LRMDA: variants seen among roughly 807,000 people sequenced by gnomAD.
LRMDA encodes the protein leucine-rich melanocyte differentiation-associated protein.
Under a neutral mutation model 29.8 loss-of-function variants are expected in LRMDA, and 18 were observed. The observed-to-expected ratio is 0.60, with a 90% CI of 0.42 to 0.90. The LOEUF is 0.90. Ranked by LOEUF, LRMDA falls within the 40% of genes least tolerant of loss-of-function variation. The pLI is 0.00. For synonymous variants in LRMDA, 125 were observed against 109.4 expected, an observed-to-expected ratio of 1.14 and a Z score of -0.89; for missense variants, 273 against 273.9, an observed-to-expected ratio of 1.00 and a Z score of 0.02.
rs555896635 is a variant in LRMDA, at chr10:76,427,863, A to G, written c.601+103378A>G. On this transcript the variant is annotated intron_variant, in intron 6 of 6. Coordinates refer to ENST00000611255, the MANE Select transcript of LRMDA (RefSeq NM_001305581.2). ...CTTTTCTGCATCTATTGAGATAATC[A>G]TGTGGTGTTTGTCTTTGGTTCTGTT... is the stretch of plus-strand genomic sequence containing the variant. Among the ~76,000 whole-genome samples the G allele has an allele frequency of 2.0e-5, 3 of 152,254 alleles. No individual in the cohort carries two copies. In the South Asian group the frequency reaches 6.2e-4, roughly 32 times the overall value.
chr10:76,410,523 A>G (rs1356234298), intron 6 of LRMDA, among the ~76,000 whole-genome samples: 2 of 151,892 alleles, frequency 1.3e-5, no homozygotes, highest in Non-Finnish European at 2.9e-5. Context: ...TGCCCAGGCT[A>G]GTCTTGAACT....
chr10:75,528,139 A>G (rs1051525035), intron 2 of LRMDA, among the ~76,000 whole-genome samples: 2 of 152,138 alleles, frequency 1.3e-5, no homozygotes, highest in African/African-American at 2.4e-5. Context: ...AACCCAACCT[A>G]TATCAGCAGG....
chr10:76,441,589 A>G (rs1842303536), intron 6 of LRMDA, among the ~76,000 whole-genome samples: 1 of 152,178 alleles, frequency 6.6e-6, no homozygotes, highest in South Asian at 2.1e-4. Flanking sequence ...TCATCAATAG[A>G]GAGCCCCCTA....
chr10:75,570,297 T>C (rs1342875489), intron 2 of LRMDA, among the ~76,000 whole-genome samples: 1 of 152,244 alleles, frequency 6.6e-6, no homozygotes, highest in Non-Finnish European at 1.5e-5. Flanking sequence ...ACTATACTGA[T>C]CTATTTACTT....
rs147040743 is a variant in LRMDA at position 76,305,228 on chromosome 10, G to T, written c.517-19173G>T. ...TCAAAACCTAGGAATCCTGGATATG[G>T]AATAAGAGAAAAGAGGGCTTGTAGC... On this transcript the variant is annotated intron_variant, in intron 5 of 6. Transcript: ENST00000611255. Among the ~76,000 whole-genome samples, 1,341 of 152,264 alleles carry T rather than the reference G, an allele frequency of 8.8e-3. 10 individuals are homozygous for T. The highest frequency in any genetic ancestry group is 0.025 in the South Asian group (121 of 4,822).
intron 6 of LRMDA, among the ~76,000 whole-genome samples, chr10:76,386,047 C>A (rs1273982857): frequency 6.6e-6 from 1 of 152,084 alleles, no homozygotes; most frequent in African/African-American, 2.4e-5. Context: ...TTGATTAGAA[C>A]TCTAAAAGGG....
intron 2 of LRMDA, among the ~76,000 whole-genome samples, chr10:75,607,357 C>T (rs1193807155): frequency 1.3e-5 from 2 of 152,116 alleles, no homozygotes; most frequent in African/African-American, 4.8e-5. Flanking sequence ...TAAAATTGAC[C>T]TACATGATAT....
intron 6 of LRMDA, among the ~76,000 whole-genome samples, chr10:76,398,278 C>A (rs1841810550): frequency 6.6e-6 from 1 of 152,186 alleles, no homozygotes; most frequent in Admixed American, 6.5e-5. Flanking sequence ...CCCCTCCCCC[C>A]AGCTCCCTCC....
At chr10:76,386,219 T>A (rs1280802251) in intron 6 of LRMDA, among the ~76,000 whole-genome samples, 1 of 152,232 alleles carries the variant, frequency 6.6e-6, no homozygotes, top group Non-Finnish European at 1.5e-5. Context: ...ATATTTTATA[T>A]GTCCTTGGCT....
chr10:75,774,884 A>G (rs753382890), intron 2 of LRMDA, among the ~76,000 whole-genome samples: 4 of 152,244 alleles, frequency 2.6e-5, no homozygotes, highest in Non-Finnish European at 5.9e-5. Context: ...CTCTCCATAA[A>G]GGGTCATTGT....
intron 6 of LRMDA, among the ~76,000 whole-genome samples, chr10:76,352,043 C>T (rs1841183230): frequency 6.6e-6 from 1 of 152,100 alleles, no homozygotes; most frequent in Non-Finnish European, 1.5e-5. Flanking sequence ...GCATCTCCCT[C>T]TCCATAAAAT....
At chr10:76,032,950 T>C (rs1341018001) in intron 2 of LRMDA, among the ~76,000 whole-genome samples, 3 of 152,072 alleles carry the variant, frequency 2.0e-5, no homozygotes, top group Non-Finnish European at 4.4e-5. Flanking sequence ...AAATTGTCAT[T>C]TTATTTAACA....
intron 2 of LRMDA, among the ~76,000 whole-genome samples, chr10:75,979,951 G>GT (rs1209689809): frequency 2.0e-5 from 3 of 152,104 alleles, no homozygotes; most frequent in African/African-American, 7.2e-5. Flanking sequence ...ACAAGGTTTT[G>GT]TTTTTTTCTT....
At chr10:75,983,469 A>G (rs761134213) in intron 2 of LRMDA, among the ~76,000 whole-genome samples, 2 of 152,266 alleles carry the variant, frequency 1.3e-5, no homozygotes, top group East Asian at 3.9e-4. Context: ...CTGTCATTGA[A>G]TCCTTCACAT....
intron 6 of LRMDA, among the ~76,000 whole-genome samples, chr10:76,410,958 A>C (rs1379853704): frequency 2.0e-5 from 3 of 152,084 alleles, no homozygotes; most frequent in Non-Finnish European, 4.4e-5. Context: ...AAACAAAACA[A>C]AACACCAGAA....
chr10:75,817,551 T>C (rs939600844), intron 2 of LRMDA, among the ~76,000 whole-genome samples: 2 of 152,198 alleles, frequency 1.3e-5, no homozygotes, highest in Non-Finnish European at 2.9e-5. Flanking sequence ...AATGAAAACT[T>C]GAATTTATCC....
intron 2 of LRMDA, among the ~76,000 whole-genome samples, chr10:75,568,342 T>C (rs989550693): frequency 6.6e-6 from 1 of 152,236 alleles, no homozygotes; most frequent in African/African-American, 2.4e-5. Context: ...ATAACTTCCT[T>C]GAGGGCACCT....
intron 2 of LRMDA, among the ~76,000 whole-genome samples, chr10:75,456,348 C>A (rs537570832): frequency 3.0e-4 from 45 of 152,390 alleles, no homozygotes; most frequent in African/African-American, 1.0e-3. Context: ...TGGCTCTGTG[C>A]TCGTTCAGAA....
intron 5 of LRMDA, among the ~76,000 whole-genome samples, chr10:76,243,594 C>A (rs1852319818): frequency 6.6e-6 from 1 of 152,140 alleles, no homozygotes; most frequent in African/African-American, 2.4e-5. Flanking sequence ...ACTTAAGCTT[C>A]CACTTGGTCA....
Sources: gnomAD v4.1 joint callset for allele counts (sites outside exome capture counted in the v4.1 genomes callset) on GRCh38, gnomAD v4.1.1 for gene constraint, MANE v1.5 for transcripts, NCBI Gene and HGNC (gene_info 2026-07-23, HGNC 2026-07-21) for gene names.